Variants in ROR1 observed in about 807,000 individuals in gnomAD.
The protein encoded by ROR1 is ROR family WNT receptor 1.
ROR1 carries 19 observed loss-of-function variants against 78.8 expected under a neutral mutation model. The ratio of observed to expected loss-of-function variants is 0.24; its 90% CI spans 0.17 to 0.35. The LOEUF (loss-of-function observed/expected upper bound fraction) is 0.35. Ranked by LOEUF, ROR1 falls within the 10% of genes least tolerant of loss-of-function variation. The pLI is 1.00. For synonymous variants in ROR1, 386 were observed against 433.6 expected (o/e 0.89, Z 1.36); for missense variants, 917 against 1,177.8 (o/e 0.78, Z 3.24).
intron 1 of ROR1, among the ~76,000 whole-genome samples, chr1:64,004,350 C>T (rs970814261): frequency 6.6e-6 from 1 of 152,210 alleles, no homozygotes; most frequent in Non-Finnish European, 1.5e-5. Context: ...AGAGCCTGTA[C>T]TCTTGTCCTC....
intron 1 of ROR1, among the ~76,000 whole-genome samples, chr1:63,851,622 C>T (rs548966954): frequency 6.6e-6 from 1 of 152,196 alleles, no homozygotes; most frequent in Non-Finnish European, 1.5e-5. Flanking sequence ...CCCCTCATTG[C>T]CCTATTTTTC....
chr1:63,846,870 G>A (rs1415847175), intron 1 of ROR1, among the ~76,000 whole-genome samples: 1 of 152,212 alleles, frequency 6.6e-6, no homozygotes, highest in Non-Finnish European at 1.5e-5. Flanking sequence ...GCGCGTTACT[G>A]CAGAGCAAGG....
chr1:64,043,498 T>C (rs1207836579), intron 2 of ROR1, among the ~76,000 whole-genome samples: 1 of 152,222 alleles, frequency 6.6e-6, no homozygotes, highest in Non-Finnish European at 1.5e-5. Flanking sequence ...GTACAGACCA[T>C]GCCTGCACTG....
intron 1 of ROR1, among the ~76,000 whole-genome samples, chr1:63,964,583 A>G (rs1214026431): frequency 1.3e-5 from 2 of 152,220 alleles, no homozygotes; most frequent in African/African-American, 4.8e-5. Context: ...CTCGGAGCTT[A>G]CAGTTGATCT....
intron 6 of ROR1, among the ~76,000 whole-genome samples, chr1:64,142,084 C>G (rs577861619): frequency 6.6e-6 from 1 of 152,216 alleles, no homozygotes; most frequent in Admixed American, 6.5e-5. Context: ...TTGAACCATT[C>G]ACTAGGAAAT....
At chr1:64,126,134 G>A (rs72685202) in intron 4 of ROR1, among the ~76,000 whole-genome samples, 13,931 of 152,200 alleles carry the variant, frequency 0.092, 812 homozygotes, top group Non-Finnish European at 0.13. Flanking sequence ...GCCAGGTGAA[G>A]AAAAATGAGA....
rs866510162 is a variant in ROR1, at chr1:64,050,785, T to C, written c.482+69T>C. 11 of 1,484,824 alleles carry C rather than the reference T, an allele frequency of 7.4e-6. No homozygotes were observed. In the Middle Eastern group the frequency reaches 1.9e-3, roughly 255 times the overall value. The allele number at this position is 1,484,824 out of a possible 1,614,324, so 92.0% of individuals were successfully genotyped here. ...CCGTGGTTTTCTAGGGCAAAAGCAA[T>C]GTTGTCCTCTTCTTAAGCCAAAATA... On this transcript the variant is annotated intron_variant, in intron 4 of 8. Transcript: ENST00000371079.
chr1:63,949,013 T>C (rs1645912598), intron 1 of ROR1, among the ~76,000 whole-genome samples: 1 of 152,196 alleles, frequency 6.6e-6, no homozygotes, highest in Non-Finnish European at 1.5e-5. Flanking sequence ...ACTCATGATA[T>C]GTTCTGTGAC....
chr1:63,875,716 C>A (rs1382197792), intron 1 of ROR1, among the ~76,000 whole-genome samples: 1 of 152,164 alleles, frequency 6.6e-6, no homozygotes, highest in South Asian at 2.1e-4. Context: ...ATTGGTTGTT[C>A]TGAAGAATGT....
chr1:63,962,861 G>A (rs372615263), intron 1 of ROR1, among the ~76,000 whole-genome samples: 5 of 152,152 alleles, frequency 3.3e-5, no homozygotes, highest in African/African-American at 4.8e-5. Flanking sequence ...TGGTAACTGC[G>A]TGAAGGGCAC....
intron 1 of ROR1, among the ~76,000 whole-genome samples, chr1:63,963,757 G>A (rs1646052342): frequency 6.6e-6 from 1 of 151,914 alleles, no homozygotes; most frequent in Admixed American, 6.6e-5. Flanking sequence ...GTGTTTTCTG[G>A]AACCCCAAGA....
At chr1:63,921,450 T>C (rs1645653543) in intron 1 of ROR1, among the ~76,000 whole-genome samples, 1 of 152,010 alleles carries the variant, frequency 6.6e-6, no homozygotes, top group Non-Finnish European at 1.5e-5. Context: ...AGGAACATAT[T>C]GTCACTTTCA....
chr1:63,786,866 TAAC>T (rs1281895001), intron 1 of ROR1, among the ~76,000 whole-genome samples: 4 of 152,126 alleles, frequency 2.6e-5, no homozygotes, highest in Non-Finnish European at 5.9e-5. Context: ...CTGTGTAAAC[TAAC>T]AAGAAGTCAC....
At chr1:63,809,681 G>A (rs539374427) in intron 1 of ROR1, among the ~76,000 whole-genome samples, 102 of 152,246 alleles carry the variant, frequency 6.7e-4, no homozygotes, top group Non-Finnish European at 1.2e-3. Flanking sequence ...TTCTCCTTTC[G>A]ATTAAAGAAA....
At chr1:63,988,157 C>T (rs749618258) in intron 1 of ROR1, among the ~76,000 whole-genome samples, 7 of 152,144 alleles carry the variant, frequency 4.6e-5, no homozygotes, top group Non-Finnish European at 1.0e-4. Flanking sequence ...TGGAAATGTG[C>T]TTTACAAACA....
intron 1 of ROR1, among the ~76,000 whole-genome samples, chr1:64,000,352 C>T (rs1464568616): frequency 6.6e-6 from 1 of 152,186 alleles, no homozygotes; most frequent in Non-Finnish European, 1.5e-5. Flanking sequence ...CCCTTTTATA[C>T]TCTGTCTTTG....
intron 4 of ROR1, among the ~76,000 whole-genome samples, chr1:64,114,167 A>G (rs1283144097): frequency 6.6e-6 from 1 of 152,090 alleles, no homozygotes; most frequent in East Asian, 1.9e-4. Flanking sequence ...CTGATGACTG[A>G]AGCTGGAAGT....
chr1:63,808,318 G>T (rs1052470277), intron 1 of ROR1, among the ~76,000 whole-genome samples: 2 of 152,144 alleles, frequency 1.3e-5, no homozygotes, highest in Admixed American at 6.5e-5. Flanking sequence ...CACACTTTTG[G>T]GATGGCAGAG....
intron 1 of ROR1, among the ~76,000 whole-genome samples, chr1:63,919,807 T>A (rs1645639861): frequency 6.6e-6 from 1 of 152,204 alleles, no homozygotes; most frequent in East Asian, 1.9e-4. Context: ...ATTGACTAAT[T>A]ATTAGCGATG....
Sources: gnomAD v4.1 joint callset for allele counts (sites outside exome capture counted in the v4.1 genomes callset) on GRCh38, gnomAD v4.1.1 for gene constraint, MANE v1.5 for transcripts, NCBI Gene and HGNC (gene_info 2026-07-23, HGNC 2026-07-21) for gene names.